The following CMTM8 variants were observed in gnomAD, a reference collection of about 807,000 sequenced individuals.
CMTM8 encodes CKLF like MARVEL transmembrane domain containing 8, also known as CKLF-like MARVEL transmembrane domain-containing protein 8.
Under a neutral mutation model 18.6 loss-of-function variants are expected in CMTM8, and 12 were observed. The observed-to-expected ratio is 0.65, with a 90% CI of 0.41 to 1.05. CMTM8 has a LOEUF of 1.05. Among genes scored for constraint, CMTM8 ranks in the 50% least tolerant of loss-of-function variants. The pLI is 0.00. For synonymous variants in CMTM8, 87 were observed against 90.6 expected (o/e 0.96, Z 0.23); for missense variants, 217 against 227.2 (o/e 0.95, Z 0.29).
At chr3:32,310,357 T>C (rs916333551) in intron 1 of CMTM8, among the ~76,000 whole-genome samples, 1 of 152,002 alleles carries the variant, frequency 6.6e-6, no homozygotes, top group Admixed American at 6.6e-5. Context: ...GTGTTTTTGC[T>C]CCAAGAAAAA....
Position 32,333,980 on chromosome 3 carries a change from CT to C in CMTM8, c.148-23382del, listed in dbSNP as rs950594532. 2.0e-3 allele frequency among the ~76,000 whole-genome samples: 297 copies of C among 146,468 alleles called. 2 individuals carry two copies. The highest frequency in any genetic ancestry group is 6.5e-3 in the African/African-American group (260 of 40,194). ...GCATGTTCCAATCAATTTTTCTTTT[CT>C]TTTTTTTTTTCTTCAAGACAGAGTG... On this transcript the variant is annotated intron_variant, in intron 1 of 3. Coordinates refer to ENST00000307526, the MANE Select transcript of CMTM8 (RefSeq NM_178868.5).
intron 1 of CMTM8, among the ~76,000 whole-genome samples, chr3:32,265,805 A>G (rs927455333): frequency 6.6e-6 from 1 of 152,242 alleles, no homozygotes; most frequent in African/African-American, 2.4e-5. Flanking sequence ...ACAAACTACC[A>G]TCAGAGAATA....
chr3:32,319,771 T>C (rs1696006506), intron 1 of CMTM8, among the ~76,000 whole-genome samples: 1 of 152,242 alleles, frequency 6.6e-6, no homozygotes, highest in Non-Finnish European at 1.5e-5. Context: ...CAGATATTTG[T>C]GCAAACTGGT....
chr3:32,312,831 A>G (rs898991069), intron 1 of CMTM8, among the ~76,000 whole-genome samples: 2 of 151,530 alleles, frequency 1.3e-5, no homozygotes, highest in African/African-American at 4.9e-5. Context: ...CCTTATTAAC[A>G]TAAACTCAGA....
chr3:32,326,913 ATGGGATTCCACT>A (rs1275049740), intron 1 of CMTM8, among the ~76,000 whole-genome samples: 1 of 152,128 alleles, frequency 6.6e-6, no homozygotes, highest in Non-Finnish European at 1.5e-5. Flanking sequence ...ACATGTCTTG[ATGGGATTCCACT>A]TCCTGGACCT....
At chr3:32,312,190 A>G (rs752409778) in intron 1 of CMTM8, among the ~76,000 whole-genome samples, 28 of 152,194 alleles carry the variant, frequency 1.8e-4, no homozygotes, top group Non-Finnish European at 3.2e-4. Flanking sequence ...GGAGATGATT[A>G]CTTAGTTCAA....
intron 1 of CMTM8, among the ~76,000 whole-genome samples, chr3:32,279,399 A>G (rs1286101422): frequency 2.7e-5 from 3 of 110,842 alleles, no homozygotes; most frequent in East Asian, 5.2e-4. Flanking sequence ...TCATTGTTCA[A>G]TTCCCACCTA....
intron 1 of CMTM8, among the ~76,000 whole-genome samples, chr3:32,268,342 G>A (rs1702380670): frequency 6.6e-6 from 1 of 152,052 alleles, no homozygotes; most frequent in Non-Finnish European, 1.5e-5. Flanking sequence ...ACCCTCGCAA[G>A]GACAAAAAAC....
At chr3:32,286,347 G>A (rs1702686377) in intron 1 of CMTM8, among the ~76,000 whole-genome samples, 1 of 152,288 alleles carries the variant, frequency 6.6e-6, no homozygotes, top group East Asian at 1.9e-4. Context: ...TAGGTGGTGG[G>A]CTAGATGTGG....
chr3:32,248,234 T>G (rs1702066885), intron 1 of CMTM8, among the ~76,000 whole-genome samples: 1 of 152,198 alleles, frequency 6.6e-6, no homozygotes, highest in African/African-American at 2.4e-5. Flanking sequence ...GGGATTTCAA[T>G]CTGGATTCTG....
intron 1 of CMTM8, among the ~76,000 whole-genome samples, chr3:32,327,110 A>T (rs1408689502): frequency 1.4e-5 from 2 of 145,574 alleles, no homozygotes; most frequent in East Asian, 2.2e-4. Context: ...CTGCTAGAAG[A>T]GTTAAAAAAA....
intron 1 of CMTM8, among the ~76,000 whole-genome samples, chr3:32,311,696 C>A (rs150947747): frequency 2.3e-4 from 35 of 152,278 alleles, no homozygotes; most frequent in African/African-American, 7.7e-4. Context: ...TTTTTCCCCC[C>A]ACACCAACCG....
intron 1 of CMTM8, among the ~76,000 whole-genome samples, chr3:32,273,791 G>A (rs975438410): frequency 6.6e-6 from 1 of 152,028 alleles, no homozygotes; most frequent in Admixed American, 6.6e-5. Context: ...TCTTTGAATA[G>A]TCTAAAAATT....
intron 1 of CMTM8, among the ~76,000 whole-genome samples, chr3:32,300,830 C>T (rs558832526): frequency 1.3e-5 from 2 of 152,064 alleles, no homozygotes; most frequent in Admixed American, 1.3e-4. Flanking sequence ...CGTGGTGGCA[C>T]ATGCCTGTAA....
chr3:32,320,882 T>C (rs1005198958), intron 1 of CMTM8, among the ~76,000 whole-genome samples: 5 of 152,120 alleles, frequency 3.3e-5, no homozygotes, highest in African/African-American at 1.2e-4. Context: ...TTTGCCCCTA[T>C]GATCTTATTT....
chr3:32,325,219 G>A (rs1325270203), intron 1 of CMTM8, among the ~76,000 whole-genome samples: 1 of 152,098 alleles, frequency 6.6e-6, no homozygotes, highest in East Asian at 1.9e-4. Flanking sequence ...GTTTTAGTGG[G>A]GGCATTGATT....
chr3:32,291,300 TTTG>T (rs1369401607), intron 1 of CMTM8, among the ~76,000 whole-genome samples: 7 of 152,056 alleles, frequency 4.6e-5, no homozygotes, highest in Non-Finnish European at 8.8e-5. Context: ...GGCTAATTTT[TTTG>T]TTGTTGTTGT....
intron 1 of CMTM8, among the ~76,000 whole-genome samples, chr3:32,320,989 G>C (rs933216393): frequency 6.6e-6 from 1 of 152,056 alleles, no homozygotes; most frequent in South Asian, 2.1e-4. Context: ...AAGCATCTTT[G>C]TACTTCATAG....
At chr3:32,290,669 C>A (rs1385042720) in intron 1 of CMTM8, among the ~76,000 whole-genome samples, 3 of 152,220 alleles carry the variant, frequency 2.0e-5, no homozygotes, top group African/African-American at 7.2e-5. Context: ...ACAATACAAG[C>A]AAATTCTGGA....
Sources: gnomAD v4.1 joint callset for allele counts (sites outside exome capture counted in the v4.1 genomes callset) on GRCh38, gnomAD v4.1.1 for gene constraint, MANE v1.5 for transcripts, NCBI Gene and HGNC (gene_info 2026-07-23, HGNC 2026-07-21) for gene names.